The following LCA5L variants were observed in gnomAD, a reference collection of about 807,000 sequenced individuals.
The protein encoded by LCA5L is lebercilin-like protein.
In LCA5L, 35 loss-of-function variants were observed where a neutral mutation model predicts 45.4. That is an observed-to-expected ratio of 0.77 (90% CI 0.59 to 1.02). The LOEUF (loss-of-function observed/expected upper bound fraction) is 1.02, where lower values mean the gene tolerates loss of function less well. Ranked by LOEUF, LCA5L falls within the 50% of genes least tolerant of loss-of-function variation. The probability of loss-of-function intolerance (pLI) is 0.00; values close to 1 mark genes in which losing one functional copy is unlikely to be tolerated. For missense variants in LCA5L, 668 were observed against 761.6 expected, an observed-to-expected ratio of 0.88 and a Z score of 1.45; for synonymous variants, 233 against 264.7, an observed-to-expected ratio of 0.88 and a Z score of 1.16.
chr21:39,414,738 C>CTGTGTGTGTGTGTGTGTG (rs763309098), intron 7 of LCA5L, among the ~76,000 whole-genome samples: 119 of 107,340 alleles, frequency 1.1e-3, no homozygotes, highest in African/African-American at 3.3e-3. Flanking sequence ...CTCTCTCTCT[C>CTGTGTGTGTGTGTGTGTG]TCTCTGTGTG....
At chr21:39,438,576 A>G (rs1204368980) in intron 2 of LCA5L, 1 of 152,218 alleles carries the variant, frequency 6.6e-6, no homozygotes, top group Non-Finnish European at 1.5e-5. Flanking sequence ...GAGACCTCTT[A>G]AAATAATCCA....
intron 3 of LCA5L, among the ~76,000 whole-genome samples, chr21:39,433,102 C>T (rs1049402797): frequency 1.3e-5 from 2 of 151,986 alleles, no homozygotes; most frequent in African/African-American, 4.8e-5. Flanking sequence ...TGGTGAAGCC[C>T]AATTATCAAT....
rs1409444716 is a variant in LCA5L, at chr21:39,405,821, A to C, written c.*61T>G. The C allele has an allele frequency of 2.4e-6, 3 of 1,254,934 alleles. No individual in the cohort carries two copies. The highest frequency in any genetic ancestry group is 3.2e-6 in the Non-Finnish European group (3 of 930,804). 77.7% of individuals were successfully genotyped at this position (1,254,934 alleles called of 1,614,324 possible). The stretch of plus-strand genomic sequence containing the variant: ...CCCTCTCTCACACATTTCAAAAATA[A>C]GATGCAAGGCACATAAGCAGCATTA... On this transcript the variant is annotated 3_prime_UTR_variant, in exon 11 of 11. Transcript: ENST00000288350.
intron 7 of LCA5L, among the ~76,000 whole-genome samples, chr21:39,418,861 A>C (rs2041775279): frequency 6.6e-6 from 1 of 152,104 alleles, no homozygotes; most frequent in Non-Finnish European, 1.5e-5. Flanking sequence ...AGGAAGCATA[A>C]AATTTATTTT....
chr21:39,445,211 A>G (rs950553542), intron 1 of LCA5L, among the ~76,000 whole-genome samples: 2 of 109,458 alleles, frequency 1.8e-5, no homozygotes, highest in African/African-American at 6.0e-5. Flanking sequence ...GTGGGGGACA[A>G]ACACAGACAG....
intron 7 of LCA5L, among the ~76,000 whole-genome samples, chr21:39,412,036 G>A (rs1222128674): frequency 6.6e-6 from 1 of 152,180 alleles, no homozygotes; most frequent in East Asian, 1.9e-4. Context: ...GAGCCTTGCA[G>A]GTCAGCTTGT....
At chr21:39,406,691 T>G (rs943270066) in intron 10 of LCA5L, 79 bp from the exon 11 acceptor site, 18 of 1,075,306 alleles carry the variant, frequency 1.7e-5, no homozygotes, top group Non-Finnish European at 2.4e-5. Flanking sequence ...CTAGTACACT[T>G]ACGTGCACCG....
chr21:39,444,350 C>G (rs1219023114), intron 1 of LCA5L, 149 bp from the exon 2 acceptor site: 2 of 152,152 alleles, frequency 1.3e-5, no homozygotes, highest in African/African-American at 2.4e-5. Flanking sequence ...ATATTTATAC[C>G]TAACAAAGCT....
At chr21:39,414,726 CTCT>C (rs1449233738) in intron 7 of LCA5L, among the ~76,000 whole-genome samples, 1 of 113,998 alleles carries the variant, frequency 8.8e-6, no homozygotes, top group African/African-American at 3.7e-5. Flanking sequence ...CTCTCTCTCT[CTCT>C]CTCTCTCTCT....
chr21:39,415,726 C>T (rs1027562847), intron 7 of LCA5L, among the ~76,000 whole-genome samples: 1 of 152,178 alleles, frequency 6.6e-6, no homozygotes, highest in African/African-American at 2.4e-5. Flanking sequence ...ATTAATATAT[C>T]TCTTACTGTC....
chr21:39,426,936 C>T (rs1056071411), intron 5 of LCA5L, among the ~76,000 whole-genome samples: 6 of 152,178 alleles, frequency 3.9e-5, no homozygotes, highest in African/African-American at 1.4e-4. Context: ...GAAAAGTTTA[C>T]AAACACACAT....
chr21:39,411,638 C>T, intron 8 of LCA5L, 80 bp downstream of exon 8: 1 of 652,380 alleles, frequency 1.5e-6, no homozygotes, highest in Non-Finnish European at 2.6e-6. Flanking sequence ...TGAAAATATC[C>T]ATTATTTTGT....
At chr21:39,437,002 C>A (rs1211585218) in intron 2 of LCA5L, among the ~76,000 whole-genome samples, 1 of 152,206 alleles carries the variant, frequency 6.6e-6, no homozygotes, top group Non-Finnish European at 1.5e-5. Context: ...ACAAGGCATG[C>A]ATTCTGGCTC....
rs1175938591 is a variant in LCA5L, at chr21:39,410,201, C to T, written c.1164+63G>A. On this transcript the variant is annotated intron_variant, in intron 9 of 10. Coordinates refer to ENST00000288350, the MANE Select transcript of LCA5L (RefSeq NM_152505.4). ...AATACTTTTCACATAGAACAAGTGA[C>T]TGTAGCCTATTTTTGTTAAGACATG... 8.0e-6 allele frequency: 10 copies of T among 1,254,224 alleles called. No homozygotes were observed. The African/African-American group carries it at 1.0e-4, about 13-fold the overall frequency. The allele number at this position is 1,254,224 out of a possible 1,614,324, so 77.7% of individuals were successfully genotyped here. A position where few individuals can be genotyped will look rare whatever the true frequency, so the allele number is the denominator to read the frequency against.
intron 2 of LCA5L, among the ~76,000 whole-genome samples, chr21:39,437,619 C>G (rs925434579): frequency 3.9e-5 from 6 of 152,024 alleles, no homozygotes; most frequent in African/African-American, 9.7e-5. Flanking sequence ...GCCACCATGC[C>G]TGGCCAAGTT....
intron 2 of LCA5L, chr21:39,443,865 C>G (rs1345380698): frequency 1.1e-4 from 17 of 152,150 alleles, no homozygotes; most frequent in Non-Finnish European, 2.5e-4. Context: ...GAAACCCCAT[C>G]TCTACTAAAA....
chr21:39,410,171 C>T, intron 9 of LCA5L, 75 bp from the exon 10 acceptor site: 1 of 1,256,860 alleles, frequency 8.0e-7, no homozygotes, highest in Non-Finnish European at 1.2e-6. Context: ...ATTCTAATGA[C>T]TACAAATACT....
Position 39,442,773 on chromosome 21 carries a change from C to T in LCA5L, c.-246+1362G>A, listed in dbSNP as rs539247336. 5.3e-5 allele frequency among the ~76,000 whole-genome samples: 8 copies of T among 152,148 alleles called. No individual in the cohort carries two copies. The East Asian group carries it at 5.8e-4, about 11-fold the overall frequency. ...TGAGTGGTATTAAGAAACACTGTCACGCAGCTAGCTGAACGTACGAGTCTA... is the reference window on the plus strand; with the variant it reads ...TGAGTGGTATTAAGAAACACTGTCATGCAGCTAGCTGAACGTACGAGTCTA... On this transcript the variant is annotated intron_variant, in intron 2 of 10. Coordinates refer to ENST00000288350, the MANE Select transcript of LCA5L (RefSeq NM_152505.4).
chr21:39,440,909 GCTA>G (rs1359623705), intron 2 of LCA5L, among the ~76,000 whole-genome samples: 4 of 152,184 alleles, frequency 2.6e-5, no homozygotes, highest in African/African-American at 9.7e-5. Context: ...GTATTATATA[GCTA>G]AGATAATCAA....
Sources: gnomAD v4.1 joint callset for allele counts (sites outside exome capture counted in the v4.1 genomes callset) on GRCh38, gnomAD v4.1.1 for gene constraint, MANE v1.5 for transcripts, NCBI Gene and HGNC (gene_info 2026-07-23, HGNC 2026-07-21) for gene names.